NELL1: variants seen among roughly 807,000 people sequenced by gnomAD.
The protein encoded by NELL1 is protein kinase C-binding protein NELL1.
A neutral mutation model predicts 107.4 loss-of-function variants in NELL1; 76 were observed. The observed-to-expected ratio is 0.71, with a 90% CI of 0.59 to 0.86. The LOEUF is 0.86. NELL1 is among the 40% of genes least tolerant of loss of function. NELL1 has a pLI of 0.00. For missense variants in NELL1, 1,024 were observed against 1,005.5 expected (o/e 1.02, Z -0.25); for synonymous variants, 353 against 341.2 (o/e 1.03, Z -0.38).
chr11:21,542,982 G>T (rs1007223947), intron 16 of NELL1, among the ~76,000 whole-genome samples: 3 of 151,970 alleles, frequency 2.0e-5, no homozygotes, highest in Admixed American at 2.0e-4. Context: ...TCGTCAAGAA[G>T]TAAAGTCTCA....
At chr11:21,031,577 C>T (rs1196553829) in intron 12 of NELL1, among the ~76,000 whole-genome samples, 4 of 152,140 alleles carry the variant, frequency 2.6e-5, no homozygotes, top group African/African-American at 4.8e-5. Context: ...ACTTGTCTTT[C>T]TTTTTCCAGT....
chr11:20,772,406 A>T (rs1421973189), intron 2 of NELL1, among the ~76,000 whole-genome samples: 3 of 152,226 alleles, frequency 2.0e-5, no homozygotes, highest in Non-Finnish European at 4.4e-5. Context: ...TGGATAAGTC[A>T]CTTATTTTCT....
chr11:21,470,207 T>C (rs1854140544), intron 15 of NELL1, among the ~76,000 whole-genome samples: 1 of 152,066 alleles, frequency 6.6e-6, no homozygotes, highest in Admixed American at 6.6e-5. Context: ...AAAGTAATCA[T>C]GCTAAGAGCT....
intron 14 of NELL1, among the ~76,000 whole-genome samples, chr11:21,269,234 A>G (rs894592349): frequency 6.6e-6 from 1 of 152,134 alleles, no homozygotes; most frequent in African/African-American, 2.4e-5. Context: ...AAGAAACAAT[A>G]GGAATATGGG....
intron 13 of NELL1, among the ~76,000 whole-genome samples, chr11:21,147,025 CAGAG>C (rs1280512398): frequency 1.3e-5 from 2 of 152,208 alleles, no homozygotes; most frequent in Non-Finnish European, 2.9e-5. Context: ...GCGTGGGTGA[CAGAG>C]CCAGACTCCT....
chr11:21,185,512 C>T (rs755738861), intron 13 of NELL1, among the ~76,000 whole-genome samples: 13 of 151,648 alleles, frequency 8.6e-5, no homozygotes, highest in Non-Finnish European at 1.6e-4. Context: ...CCAGGCTGGT[C>T]TTACACTTCT....
At chr11:20,730,078 A>G (rs934463888) in intron 2 of NELL1, among the ~76,000 whole-genome samples, 2 of 152,210 alleles carry the variant, frequency 1.3e-5, no homozygotes, top group African/African-American at 4.8e-5. Context: ...CGTTGAAACA[A>G]ATAATCAAAG....
intron 5 of NELL1, among the ~76,000 whole-genome samples, chr11:20,905,118 G>C (rs1849966364): frequency 6.6e-6 from 1 of 151,890 alleles, no homozygotes; most frequent in African/African-American, 2.4e-5. Flanking sequence ...GGGATTACAG[G>C]TGTGAGCCAC....
At chr11:21,330,393 A>C (rs1850245005) in intron 14 of NELL1, among the ~76,000 whole-genome samples, 5 of 152,074 alleles carry the variant, frequency 3.3e-5, no homozygotes, top group Admixed American at 3.3e-4. Context: ...AATTCTTTTA[A>C]TAGTTATTGC....
At chr11:21,231,459 A>G (rs1382650131) in intron 14 of NELL1, among the ~76,000 whole-genome samples, 1 of 152,244 alleles carries the variant, frequency 6.6e-6, no homozygotes, top group Non-Finnish European at 1.5e-5. Context: ...GGAAATTTCC[A>G]AAGCAAAACA....
At chr11:21,118,749 G>A (rs4922754) in intron 13 of NELL1, among the ~76,000 whole-genome samples, 91,096 of 151,388 alleles carry the variant, frequency 0.6, 28,447 homozygotes, top group Non-Finnish European at 0.7. Flanking sequence ...ACCTGCTGAC[G>A]CTGTTCAGCT....
At chr11:20,736,392 A>G (rs1855762414) in intron 2 of NELL1, among the ~76,000 whole-genome samples, 1 of 152,134 alleles carries the variant, frequency 6.6e-6, no homozygotes, top group African/African-American at 2.4e-5. Flanking sequence ...TGCACAAGTG[A>G]GGCAAGCATA....
intron 13 of NELL1, among the ~76,000 whole-genome samples, chr11:21,188,815 T>C (rs7115087): frequency 0.15 from 22,536 of 151,524 alleles, 2,256 homozygotes; most frequent in East Asian, 0.48. Flanking sequence ...TTTGTGACAC[T>C]ATAAGCATTT....
intron 15 of NELL1, among the ~76,000 whole-genome samples, chr11:21,394,191 G>T (rs1851936207): frequency 6.6e-6 from 1 of 151,354 alleles, no homozygotes; most frequent in Non-Finnish European, 1.5e-5. Flanking sequence ...TCTCCAATTT[G>T]CTATTTAAAA....
intron 15 of NELL1, among the ~76,000 whole-genome samples, chr11:21,424,151 C>A (rs1011200196): frequency 3.3e-5 from 5 of 151,874 alleles, no homozygotes; most frequent in Admixed American, 6.6e-5. Flanking sequence ...AATAGAAAAG[C>A]AATAGAAAAA....
chr11:21,518,019 T>C (rs1431300259), intron 15 of NELL1, among the ~76,000 whole-genome samples: 4 of 151,722 alleles, frequency 2.6e-5, no homozygotes, highest in Admixed American at 1.3e-4. Context: ...TCCAGGATGC[T>C]ATGGAGCCAC....
At chr11:21,199,981 C>T (rs1010214842) in intron 13 of NELL1, among the ~76,000 whole-genome samples, 13 of 152,164 alleles carry the variant, frequency 8.5e-5, no homozygotes, top group Admixed American at 2.0e-4. Flanking sequence ...TGAACCCATC[C>T]GTTTTATGGC....
chr11:20,755,897 T>A (rs1204537676), intron 2 of NELL1, among the ~76,000 whole-genome samples: 7 of 48,198 alleles, frequency 1.5e-4, no homozygotes, highest in African/African-American at 2.4e-4. Context: ...TTTTTTTTTT[T>A]TTTTTTTTTT....
chr11:20,956,900 G>C (rs538106411), intron 11 of NELL1, among the ~76,000 whole-genome samples: 12 of 152,042 alleles, frequency 7.9e-5, no homozygotes, highest in South Asian at 4.2e-4. Context: ...TTTTATGGTA[G>C]ATGTTACCTA....
Sources: allele counts gnomAD v4.1 joint callset (sites outside exome capture counted in the v4.1 genomes callset), GRCh38; gene constraint gnomAD v4.1.1; transcripts MANE v1.5; gene names NCBI Gene and HGNC (gene_info 2026-07-23, HGNC 2026-07-21).